Variants in GLG1 observed in about 807,000 individuals in gnomAD.
GLG1 encodes Golgi apparatus protein 1.
A neutral mutation model predicts 160.5 loss-of-function variants in GLG1; 38 were observed. The ratio of observed to expected loss-of-function variants is 0.24; its 90% CI spans 0.18 to 0.31. The LOEUF (loss-of-function observed/expected upper bound fraction) is 0.31. Among genes scored for constraint, GLG1 ranks in the 10% least tolerant of loss-of-function variants. The pLI, the probability that GLG1 is intolerant of heterozygous loss-of-function variation, is 1.00. For synonymous variants in GLG1, 644 were observed against 543.4 expected (o/e 1.19, Z -2.57); for missense variants, 1,373 against 1,505.2 (o/e 0.91, Z 1.45).
At chr16:74,514,652 G>C (rs540201177) in intron 2 of GLG1, among the ~76,000 whole-genome samples, 1 of 152,134 alleles carries the variant, frequency 6.6e-6, no homozygotes, top group African/African-American at 2.4e-5. Context: ...ACTAAACATG[G>C]ATAGGAACAA....
Position 74,456,812 on chromosome 16 carries a change from T to C in GLG1, c.3266-57A>G. 5 of 1,074,770 alleles carry C rather than the reference T, an allele frequency of 4.7e-6. No homozygotes were observed. In the South Asian group the frequency reaches 5.1e-5, roughly 11 times the overall value. 66.6% of individuals were successfully genotyped at this position (1,074,770 alleles called of 1,614,324 possible). ...TGAAACTGTACAGAATAGAGAAATT[T>C]CTGTAAAGATGAGGAAGAGGGTGCA... On this transcript the variant is annotated intron_variant, in intron 24 of 25. Coordinates refer to ENST00000422840, the MANE Select transcript of GLG1 (RefSeq NM_001145667.2).
At chr16:74,523,911 A>G (rs2017251938) in intron 2 of GLG1, among the ~76,000 whole-genome samples, 2 of 152,002 alleles carry the variant, frequency 1.3e-5, no homozygotes, top group African/African-American at 4.8e-5. Context: ...CTGATAGTGC[A>G]TTTTAAAAAA....
At chr16:74,500,356 GA>G (rs1466236695) in intron 4 of GLG1, among the ~76,000 whole-genome samples, 11 of 151,464 alleles carry the variant, frequency 7.3e-5, no homozygotes, top group African/African-American at 2.4e-4. Context: ...TATTATGGTA[GA>G]AAAACATCTG....
rs373476384 is a variant in GLG1 at position 74,477,539 on chromosome 16, T to G, written c.1828-6A>C. ...GCTCGGCACTCCCGTGAGAGCTGCA[T>G]GAGAAAAAATGAGCTAAATACTTGA... On this transcript the variant is annotated splice_region_variant and splice_polypyrimidine_tract_variant and intron_variant, in intron 11 of 25. Coordinates refer to ENST00000422840, the MANE Select transcript of GLG1 (RefSeq NM_001145667.2). 78 of 1,607,206 alleles carry G rather than the reference T, an allele frequency of 4.9e-5. No individual in the cohort carries two copies. The African/African-American group carries it at 9.1e-4, about 19-fold the overall frequency.
At chr16:74,545,369 T>C (rs553757186) in intron 1 of GLG1, among the ~76,000 whole-genome samples, 2 of 152,180 alleles carry the variant, frequency 1.3e-5, no homozygotes, top group Non-Finnish European at 1.5e-5. Flanking sequence ...TTTGTAGAGA[T>C]GGGGTTTCAC....
intron 1 of GLG1, among the ~76,000 whole-genome samples, chr16:74,603,574 C>G (rs113617667): frequency 6.6e-6 from 1 of 152,024 alleles, no homozygotes; most frequent in Non-Finnish European, 1.5e-5. Flanking sequence ...CTGCGCCCGG[C>G]TGAACACCAC....
At chr16:74,458,022 A>C (rs2014629135) in intron 23 of GLG1, 28 bp from the exon 24 acceptor site, 5 of 1,610,136 alleles carry the variant, frequency 3.1e-6, no homozygotes, top group Non-Finnish European at 4.2e-6. Context: ...TTGCAGACAG[A>C]GCTTTTGAAG....
rs1018405202 is a variant in GLG1, at chr16:74,595,426, A to C, written c.438+11231T>G. On this transcript the variant is annotated intron_variant, in intron 1 of 25. Coordinates refer to ENST00000422840, the MANE Select transcript of GLG1 (RefSeq NM_001145667.2). ...GTGGCGGGCGCCTGTAGTCCCAGCT[A>C]CTCTGGAGGCTGAGGCAGGAGAATG... 2.0e-5 allele frequency among the ~76,000 whole-genome samples: 3 copies of C among 151,146 alleles called. No individual in the cohort carries two copies. In the Admixed American group the frequency reaches 2.0e-4, roughly 10 times the overall value.
intron 23 of GLG1, among the ~76,000 whole-genome samples, chr16:74,459,061 T>C (rs1385091150): frequency 6.6e-6 from 1 of 152,164 alleles, no homozygotes; most frequent in Non-Finnish European, 1.5e-5. Context: ...TATGGGATCA[T>C]GTGATGATAA....
At chr16:74,512,381 A>G (rs537494106) in intron 2 of GLG1, among the ~76,000 whole-genome samples, 4 of 151,742 alleles carry the variant, frequency 2.6e-5, no homozygotes, top group African/African-American at 9.7e-5. Context: ...CTCCTGCCTC[A>G]GCCTCCGTAC....
chr16:74,471,159 C>G lies in GLG1; in HGVS notation c.2229+14G>C. 7.3e-7 allele frequency: 1 copy of G among 1,362,658 alleles called. No homozygotes were observed. The highest frequency in any genetic ancestry group is 1.1e-6 in the Non-Finnish European group (1 of 950,202). 84.4% of individuals were successfully genotyped at this position (1,362,658 alleles called of 1,614,324 possible). On this transcript the variant is annotated intron_variant, in intron 15 of 25. Coordinates refer to ENST00000422840, the MANE Select transcript of GLG1 (RefSeq NM_001145667.2). ...GCAGCTATGATGGGATATTGGCAGC[C>G]AGGTGTCACTGACCAGCTGGAAGTG...
chr16:74,586,148 C>G (rs189401215), intron 1 of GLG1, among the ~76,000 whole-genome samples: 1 of 151,452 alleles, frequency 6.6e-6, no homozygotes, highest in African/African-American at 2.4e-5. Flanking sequence ...TTAGAAAGAG[C>G]TGATAAGGAA....
intron 2 of GLG1, among the ~76,000 whole-genome samples, chr16:74,530,553 G>A (rs2017500160): frequency 6.6e-6 from 1 of 151,944 alleles, no homozygotes; most frequent in Non-Finnish European, 1.5e-5. Context: ...ACTGGATTTG[G>A]CCTAAGTGTT....
chr16:74,595,008 G>C (rs1415990479), intron 1 of GLG1, among the ~76,000 whole-genome samples: 1 of 151,810 alleles, frequency 6.6e-6, no homozygotes, highest in Non-Finnish European at 1.5e-5. Flanking sequence ...CTAACACAGT[G>C]AAACCTCGTC....
intron 22 of GLG1, among the ~76,000 whole-genome samples, chr16:74,461,015 G>A (rs1482148887): frequency 6.6e-6 from 1 of 152,156 alleles, no homozygotes. Context: ...AAGTTTCTTT[G>A]GACAGTTTTA....
intron 2 of GLG1, among the ~76,000 whole-genome samples, chr16:74,516,716 T>C (rs557703912): frequency 4.5e-4 from 68 of 152,226 alleles, no homozygotes; most frequent in African/African-American, 1.6e-3. Context: ...GGAGCAGAAC[T>C]GAAGGAGACA....
At chr16:74,542,406 G>A (rs979186067) in intron 1 of GLG1, among the ~76,000 whole-genome samples, 2 of 152,036 alleles carry the variant, frequency 1.3e-5, no homozygotes, top group East Asian at 1.9e-4. Flanking sequence ...GGTGGCTCAC[G>A]TCTGTAATTC....
At chr16:74,558,301 G>A (rs1424239631) in intron 1 of GLG1, among the ~76,000 whole-genome samples, 1 of 152,116 alleles carries the variant, frequency 6.6e-6, no homozygotes, top group Non-Finnish European at 1.5e-5. Context: ...GGATTTGGGG[G>A]AAAATGCAAG....
intron 1 of GLG1, among the ~76,000 whole-genome samples, chr16:74,605,597 TTATG>T (rs1958548198): frequency 6.6e-6 from 1 of 152,156 alleles, no homozygotes; most frequent in African/African-American, 2.4e-5. Context: ...TGTCTCCTGC[TTATG>T]TATGTCTTTT....
Sources: allele counts gnomAD v4.1 joint callset (sites outside exome capture counted in the v4.1 genomes callset), GRCh38; gene constraint gnomAD v4.1.1; transcripts MANE v1.5; gene names NCBI Gene and HGNC (gene_info 2026-07-23, HGNC 2026-07-21).